The following LCN8 variants were observed in gnomAD, a reference collection of about 807,000 sequenced individuals.
The protein encoded by LCN8 is lipocalin 8.
A neutral mutation model predicts 22.8 loss-of-function variants in LCN8; 16 were observed. The observed-to-expected ratio is 0.70, with a 90% CI of 0.47 to 1.06. LCN8 has a LOEUF of 1.06. Ranked by LOEUF, LCN8 falls within the 50% of genes least tolerant of loss-of-function variation. LCN8 has a pLI of 0.00. For synonymous variants in LCN8, 92 were observed against 83.4 expected (o/e 1.10, Z -0.56); for missense variants, 189 against 203.3 (o/e 0.93, Z 0.43).
intron 4 of LCN8, 22 bp from the exon 5 acceptor site, chr9:136,755,355 G>T (rs1411591132): frequency 3.4e-5 from 55 of 1,610,088 alleles, no homozygotes; most frequent in Non-Finnish European, 4.7e-5. Context: ...AGGGGGGCTG[G>T]GCGGGCAGTC....
At chr9:136,754,844 T>C in intron 6 of LCN8, 1 of 1,350,566 alleles carries the variant, frequency 7.4e-7, no homozygotes, top group Non-Finnish European at 9.5e-7. Context: ...AAAGGCGCCA[T>C]TTCTGCTCCC....
intron 1 of LCN8, 146 bp from the exon 2 acceptor site, chr9:136,757,314 T>C: frequency 6.8e-7 from 1 of 1,460,504 alleles, no homozygotes; most frequent in East Asian, 2.5e-5. Context: ...GCAAGACATC[T>C]GTGAGCCCAC....
At position 136,755,427 on chromosome 9, in the gene LCN8, C is replaced by T. The variant is rs769651082; in HGVS notation, c.316G>A (p.Val106Ile). The change falls in exon 4 of 7, where the codon GTC becomes ATC. Residue 106 changes from valine (V) to isoleucine (I), a missense_variant. By Grantham distance (29) the Val-to-Ile change is conservative (BLOSUM62 3). Coordinates refer to ENST00000371688, the MANE Select transcript of LCN8 (RefSeq NM_178469.4). ...SLMWRGRNFR[V>I]LKYFTRSLED... is the part of the protein sequence containing the mutation. ...CCAAGCTTACTAAAGTACTTGAGGA[C>T]GCGAAAGTTCCTGCCCCGCCACATC... The T allele has an allele frequency of 2.2e-5, 35 of 1,611,388 alleles. No homozygotes were observed. Among genetic ancestry groups the T allele is most frequent in the Middle Eastern group, 1.6e-4 (1 of 6,080 alleles).
intron 2 of LCN8, 140 bp downstream of exon 2, chr9:136,756,898 G>A: frequency 3.9e-6 from 4 of 1,016,786 alleles, no homozygotes; most frequent in Non-Finnish European, 5.7e-6. Context: ...CGAGGGCTCA[G>A]GCAGACGGGC....
chr9:136,755,999 G>A, intron 3 of LCN8: 1 of 1,296,328 alleles, frequency 7.7e-7, no homozygotes, highest in Non-Finnish European at 1.0e-6. Context: ...GAAAAGTGCA[G>A]GGAACAGCAT....
chr9:136,756,073 G>C, intron 3 of LCN8: 2 of 1,299,410 alleles, frequency 1.5e-6, no homozygotes, highest in Non-Finnish European at 2.0e-6. Flanking sequence ...ACAGTGCAGG[G>C]AGCATTGCAG....
chr9:136,754,809 G>T, intron 6 of LCN8: 1 of 1,376,022 alleles, frequency 7.3e-7, no homozygotes, highest in Non-Finnish European at 9.4e-7. Flanking sequence ...GAAGCAGCCG[G>T]CAGTCCTGCA....
At chr9:136,758,253 G>T, upstream of LCN8, 11 of 1,251,440 alleles carry the variant, frequency 8.8e-6, no homozygotes, top group Non-Finnish European at 1.1e-5. Flanking sequence ...TGCTGGGGCC[G>T]TCTCGGAGCC....
chr9:136,756,968 G>T lies in LCN8; in HGVS notation c.155+70C>A, dbSNP rs1293504422. ...CAGCCCAGACCCCACGCTGCAGCGG[G>T]TGCAGCAACCCACGCCCAGTCCCCG... On this transcript the variant is annotated intron_variant, in intron 2 of 6. Coordinates refer to ENST00000371688, the MANE Select transcript of LCN8 (RefSeq NM_178469.4). The T allele has an allele frequency of 2.0e-6, 3 of 1,525,804 alleles. No individual in the cohort carries two copies. In the African/African-American group the frequency reaches 4.1e-5, roughly 21 times the overall value. The allele number at this position is 1,525,804 out of a possible 1,614,324, so 94.5% of individuals were successfully genotyped here.
rs200208523 is a variant in LCN8 at position 136,755,394 on chromosome 9, C to T, written c.331+18G>A. On this transcript the variant is annotated intron_variant, in intron 4 of 6. Transcript: ENST00000371688. ...GGGAGAGCAGCAGCTGGGCAGAGCC[C>T]CCCAGGGCCAAGCTTACTAAAGTAC... 1.9e-5 allele frequency: 31 copies of T among 1,611,110 alleles called. No individual in the cohort carries two copies. The African/African-American group carries it at 3.5e-4, about 18-fold the overall frequency.
At chr9:136,755,096 G>T (rs753795752) in intron 6 of LCN8, 39 bp downstream of exon 6, 23 of 1,488,468 alleles carry the variant, frequency 1.5e-5, no homozygotes, top group Non-Finnish European at 1.9e-5. Flanking sequence ...CAGGGGCCCG[G>T]GAACTTCAGC....
rs570828067 is a variant in LCN8 at position 136,758,141 on chromosome 9, C to T, written c.-211G>A. 1.0e-4 allele frequency: 148 copies of T among 1,444,040 alleles called. No individual in the cohort carries two copies. The highest frequency in any genetic ancestry group is 5.1e-4 in the Middle Eastern group (2 of 3,928). 89.5% of individuals were successfully genotyped at this position (1,444,040 alleles called of 1,614,324 possible). On this transcript the variant is annotated 5_prime_UTR_variant, in exon 1 of 7. Transcript: ENST00000371688. ...TCAGAGACGTGGGTTTCTGCACAAG[C>T]GCCATCGGCCCTGGTGACACCCACG...
At chr9:136,757,558 G>A in intron 1 of LCN8, 7 of 1,378,342 alleles carry the variant, frequency 5.1e-6, no homozygotes, top group Non-Finnish European at 6.6e-6. Context: ...CAGAGAACAG[G>A]TGGCTCGGGT....
Position 136,755,269 on chromosome 9 carries a change from A to C in LCN8, c.396T>G (p.Thr132=), listed in dbSNP as rs746797290. 1 of 1,612,344 alleles carries C rather than the reference A, an allele frequency of 6.2e-7. No homozygotes were observed. Among genetic ancestry groups the C allele is most frequent in the South Asian group, 1.1e-5 (1 of 90,904 alleles). Residue 132 remains threonine (T), a synonymous_variant, in exon 5 of 7, where the codon ACT becomes ACG. Coordinates refer to ENST00000371688, the MANE Select transcript of LCN8 (RefSeq NM_178469.4). ...CAGGCCGGGCCGCCAGGTAGAGACC[A>C]GTGTCTGCTGTCAGCTCCCGAAACT... ...FWKFRELTAD[T]GLYLAARPGR... is the part of the protein sequence containing the mutation.
chr9:136,757,240 CCGGG>C, intron 1 of LCN8, 72 bp from the exon 2 acceptor site: 1 of 1,560,068 alleles, frequency 6.4e-7, no homozygotes, highest in Non-Finnish European at 8.7e-7. Flanking sequence ...CCACGAACCC[CCGGG>C]CAGGGGCCTG....
intron 3 of LCN8, chr9:136,756,047 G>A: frequency 7.7e-7 from 1 of 1,303,758 alleles, no homozygotes; most frequent in South Asian, 1.2e-5. Flanking sequence ...GAACAGTGCA[G>A]GGAGCAGTGC....
chr9:136,754,863 C>T, intron 6 of LCN8: 2 of 1,365,278 alleles, frequency 1.5e-6, no homozygotes, highest in Non-Finnish European at 1.9e-6. Flanking sequence ...CCCTGCCCCA[C>T]CCAGCTCTGC....
chr9:136,757,719 G>A (rs971273837), intron 1 of LCN8, 188 bp downstream of exon 1: 2 of 985,332 alleles, frequency 2.0e-6, no homozygotes, highest in Admixed American at 1.2e-4. Flanking sequence ...CCTTCTCTGG[G>A]CCTGCTAATG....
At position 136,755,401 on chromosome 9, in the gene LCN8, G is replaced by A. The variant is rs777471220; in HGVS notation, c.331+11C>T. The A allele has an allele frequency of 1.2e-6, 2 of 1,611,242 alleles. No homozygotes were observed. The highest frequency in any genetic ancestry group is 3.3e-5 in the Admixed American group (2 of 60,018). ...CAGCAGCTGGGCAGAGCCCCCCAGG[G>A]CCAAGCTTACTAAAGTACTTGAGGA... On this transcript the variant is annotated intron_variant, in intron 4 of 6. Coordinates refer to ENST00000371688, the MANE Select transcript of LCN8 (RefSeq NM_178469.4).
Sources: allele counts gnomAD v4.1 joint callset, GRCh38; gene constraint gnomAD v4.1.1; transcripts MANE v1.5; gene names NCBI Gene and HGNC (gene_info 2026-07-23, HGNC 2026-07-21).